The following NLRC3 variants were observed in gnomAD, a reference collection of about 807,000 sequenced individuals.
The protein encoded by NLRC3 is NLR family CARD domain containing 3, also known as NLR family CARD domain-containing protein 3.
A neutral mutation model predicts 91.6 loss-of-function variants in NLRC3; 87 were observed. The observed-to-expected ratio is 0.95, with a 90% CI of 0.80 to 1.14. The LOEUF (loss-of-function observed/expected upper bound fraction) is 1.14, where lower values mean the gene tolerates loss of function less well. Ranked by LOEUF, NLRC3 falls within the 50% of genes most tolerant of loss-of-function variation. NLRC3 has a pLI of 0.00. For synonymous variants in NLRC3, 694 were observed against 625.3 expected (o/e 1.11, Z -1.64); for missense variants, 1,577 against 1,418.6 (o/e 1.11, Z -1.79).
chr16:3,551,478 C>G (rs999024279), intron 10 of NLRC3, among the ~76,000 whole-genome samples: 1 of 151,416 alleles, frequency 6.6e-6, no homozygotes, highest in African/African-American at 2.4e-5. Flanking sequence ...CACATACCCA[C>G]CCATCCATCC....
chr16:3,569,770 G>A (rs778951911), intron 1 of NLRC3, among the ~76,000 whole-genome samples: 6 of 152,102 alleles, frequency 3.9e-5, no homozygotes, highest in Non-Finnish European at 5.9e-5. Flanking sequence ...GAGCAATAAG[G>A]TTGTTGCAGG....
chr16:3,553,550 G>A (rs957051540), intron 9 of NLRC3, among the ~76,000 whole-genome samples: 1 of 152,158 alleles, frequency 6.6e-6, no homozygotes, highest in Admixed American at 6.5e-5. Context: ...GAGGACGAGG[G>A]TCCTGTCTGC....
In NLRC3 at chr16:3,563,674, C is replaced by T; in HGVS notation, c.1263G>A (p.Lys421=). The change falls in exon 5 of 20, where the codon AAG becomes AAA. Residue 421 remains lysine (K), a synonymous_variant. Coordinates refer to ENST00000359128, the MANE Select transcript of NLRC3 (RefSeq NM_178844.4). The part of the protein sequence containing the change: ...KKYVFYEQDM[K]AFGVDLALLQ... ...GCAGAGCGAGGTCTACACCAAACGC[C>T]TTCATGTCTTGCTCGTAAAACACGT... is the stretch of plus-strand genomic sequence containing the variant. The T allele has an allele frequency of 1.2e-6, 2 of 1,613,808 alleles. No homozygotes were observed. Among genetic ancestry groups the T allele is most frequent in the Non-Finnish European group, 1.7e-6 (2 of 1,179,886 alleles).
chr16:3,546,405 A>G (rs2038691419), intron 15 of NLRC3, among the ~76,000 whole-genome samples: 2 of 151,592 alleles, frequency 1.3e-5, no homozygotes, highest in African/African-American at 4.9e-5. Flanking sequence ...AAAAAAAAAA[A>G]AAAAAGCTGG....
chr16:3,542,022 A>C (rs1366695729), intron 19 of NLRC3, 107 bp from the exon 20 acceptor site: 1 of 817,410 alleles, frequency 1.2e-6, no homozygotes, highest in East Asian at 2.7e-5. Context: ...TTGTGCTTCT[A>C]GGATCCCCTC....
In NLRC3 at chr16:3,564,483, T is replaced by C. The variant is rs756834516; in HGVS notation, c.454A>G (p.Thr152Ala). The change falls in exon 5 of 20, where the codon ACC becomes GCC. Residue 152 changes from threonine to alanine, a missense_variant. Coordinates refer to ENST00000359128, the MANE Select transcript of NLRC3 (RefSeq NM_178844.4). The surrounding 1 kb of genome is among the most constrained non-coding windows in gnomAD (Gnocchi z 5.9). ...ITIGVAGMGK[T>A]TLVRHFVRLW... is the part of the protein sequence containing the mutation. The stretch of plus-strand genomic sequence containing the variant: ...CGGACGAAGTGCCTCACCAGGGTGG[T>C]CTTGCCCATGCCGGCCACCCCGATA... 1.9e-6 allele frequency: 3 copies of C among 1,612,418 alleles called. No homozygotes were observed. The highest frequency in any genetic ancestry group is 4.5e-5 in the East Asian group (2 of 44,858).
chr16:3,560,500 T>C (rs1203246189), intron 6 of NLRC3, among the ~76,000 whole-genome samples: 2 of 152,072 alleles, frequency 1.3e-5, no homozygotes, highest in African/African-American at 4.8e-5. Context: ...ACAGCCACCC[T>C]CAGAGGATCA....
Position 3,563,425 on chromosome 16 carries a change from C to T in NLRC3, c.1512G>A (p.Gln504=). The T allele has an allele frequency of 1.3e-6, 2 of 1,575,458 alleles. No individual in the cohort carries two copies. Among genetic ancestry groups the T allele is most frequent in the East Asian group, 2.3e-5 (1 of 42,740 alleles). The change falls in exon 5 of 20, where the codon CAG becomes CAA. Residue 504 remains glutamine, a synonymous_variant. Coordinates refer to ENST00000359128, the MANE Select transcript of NLRC3 (RefSeq NM_178844.4). ...HFRSAAQRAM[Q]AEDGRLDVFL... ...ACACGTCCAGCCTCCCGTCCTCTGCCTGCATGGCCCGCTGGGCTGCGCTCC... is the reference window on the plus strand; with the variant it reads ...ACACGTCCAGCCTCCCGTCCTCTGCTTGCATGGCCCGCTGGGCTGCGCTCC...
Position 3,564,140 on chromosome 16 carries a change from G to C in NLRC3, c.797C>G (p.Thr266Ser), listed in dbSNP as rs1392830352. Residue 266 changes from threonine to serine, a missense_variant, in exon 5 of 20, where the codon ACC becomes AGC. Thr to Ser is a moderately conservative substitution (Grantham distance 58). Transcript: ENST00000359128. The surrounding 1 kb of genome is among the most constrained non-coding windows in gnomAD (Gnocchi z 5.9). ...CTGGCCAGATGCACTGGGACGGGAG[G>C]TGATCCAGATGGAAACTTCCGGAAA... is the stretch of plus-strand genomic sequence containing the variant. ...NLFPEVSIWI[T>S]SRPSASGQIP... 2 of 1,613,700 alleles carry C rather than the reference G, an allele frequency of 1.2e-6. No homozygotes were observed. The highest frequency in any genetic ancestry group is 1.1e-5 in the South Asian group (1 of 91,088).
In NLRC3 at chr16:3,564,896, A is replaced by G. The variant is rs774846514; in HGVS notation, c.141T>C (p.Asp47=). The G allele has an allele frequency of 7.2e-5, 116 of 1,609,902 alleles. No homozygotes were observed. The highest frequency in any genetic ancestry group is 9.7e-5 in the Non-Finnish European group (114 of 1,179,680). The change falls in exon 4 of 20, where the codon GAT becomes GAC. Residue 47 remains aspartate (D), a synonymous_variant. Coordinates refer to ENST00000359128, the MANE Select transcript of NLRC3 (RefSeq NM_178844.4). This position sits in a 1 kb window ranked among gnomAD's most constrained non-coding sequence, Gnocchi z 5.9. The part of the protein sequence containing the change: ...SQGSQAPQAL[D]RTPDAPLGPC... ...GCCCCAGCGGGGCATCCGGTGTCCT[A>G]TCCAGGGCCTGCGGGGCCTGGGAGC...
At chr16:3,548,858 C>T (rs2038840465) in intron 13 of NLRC3, 105 bp from the exon 14 acceptor site, 1 of 789,510 alleles carries the variant, frequency 1.3e-6, no homozygotes, top group Non-Finnish European at 2.1e-6. Flanking sequence ...ACCCAGCCAG[C>T]ACGAGGGGGT....
chr16:3,550,289 G>C, intron 11 of NLRC3, 125 bp downstream of exon 11: 2 of 651,618 alleles, frequency 3.1e-6, no homozygotes, highest in African/African-American at 1.8e-5. Flanking sequence ...TGAGGACAGT[G>C]TGTGCCCAGG....
rs1335822325 is a variant in NLRC3 at position 3,550,483 on chromosome 16, C to A, written c.2366G>T (p.Ser789Ile). 6.2e-7 allele frequency: 1 copy of A among 1,612,712 alleles called. No homozygotes were observed. The highest frequency in any genetic ancestry group is 2.2e-5 in the East Asian group (1 of 44,866). Residue 789 changes from serine to isoleucine, a missense_variant, in exon 11 of 20, where the codon AGT becomes ATT. Transcript: ENST00000359128. ...GGCCTTGGCACCTCCATCACCAATA[C>A]TATTACTGGAGAACCTGCAAGAGAA... Reference protein sequence around the residue: ...SLKELMFSSNSIGDGGAKALA... With the variant: ...SLKELMFSSNIIGDGGAKALA...
At position 3,554,377 on chromosome 16, in the gene NLRC3, G is replaced by A. The variant is rs1225892724; in HGVS notation, c.2184-52C>T. The A allele has an allele frequency of 3.5e-6, 5 of 1,433,362 alleles. No homozygotes were observed. The African/African-American group carries it at 4.2e-5, about 12-fold the overall frequency. The allele number at this position is 1,433,362 out of a possible 1,614,324, so 88.8% of individuals were successfully genotyped here. Reference sequence around the variant, plus strand: ...CTGATGGAGCAGAAGCTGGAACCCAGGGGTCTGAACTCTCTCTGCAGTGGG... The same window carrying A: ...CTGATGGAGCAGAAGCTGGAACCCAAGGGTCTGAACTCTCTCTGCAGTGGG... On this transcript the variant is annotated intron_variant, in intron 8 of 19. Coordinates refer to ENST00000359128, the MANE Select transcript of NLRC3 (RefSeq NM_178844.4).
At chr16:3,558,977 G>T (rs2039482507) in intron 6 of NLRC3, among the ~76,000 whole-genome samples, 1 of 152,106 alleles carries the variant, frequency 6.6e-6, no homozygotes, top group South Asian at 2.1e-4. Context: ...TTACTTTGTT[G>T]CCGAGGCTGG....
At chr16:3,560,533 C>T (rs1030947922) in intron 6 of NLRC3, among the ~76,000 whole-genome samples, 4 of 146,730 alleles carry the variant, frequency 2.7e-5, no homozygotes, top group African/African-American at 8.2e-5. Flanking sequence ...CAACCACAAA[C>T]CCCGAGTGTG....
At chr16:3,556,567 C>G (rs1056326811) in intron 8 of NLRC3, among the ~76,000 whole-genome samples, 1 of 151,762 alleles carries the variant, frequency 6.6e-6, no homozygotes, top group Non-Finnish European at 1.5e-5. Context: ...TGTAGTGGCG[C>G]GATCTCAACT....
At chr16:3,561,634 T>C in intron 6 of NLRC3, 68 bp downstream of exon 6, 1 of 1,080,048 alleles carries the variant, frequency 9.3e-7, no homozygotes, top group Non-Finnish European at 1.4e-6. Context: ...GAGCAGAGGA[T>C]GATGGGAAGA....
chr16:3,543,587 C>G, intron 16 of NLRC3, 79 bp from the exon 17 acceptor site: 1 of 944,176 alleles, frequency 1.1e-6, no homozygotes, highest in Non-Finnish European at 1.7e-6. Context: ...TTCACCACCC[C>G]TTGACTCAGG....
Sources: allele counts gnomAD v4.1 joint callset (sites outside exome capture counted in the v4.1 genomes callset), GRCh38; gene constraint gnomAD v4.1.1; non-coding constraint Gnocchi (gnomAD v3.1); transcripts MANE v1.5; gene names NCBI Gene and HGNC (gene_info 2026-07-23, HGNC 2026-07-21).